FAM20A: variants seen among roughly 807,000 people sequenced by gnomAD.
FAM20A encodes the protein FAM20A golgi associated secretory pathway pseudokinase.
Under a neutral mutation model 52.0 loss-of-function variants are expected in FAM20A, and 42 were observed. The observed-to-expected ratio is 0.81, with a 90% CI of 0.63 to 1.04. The LOEUF is 1.04. Ranked by LOEUF, FAM20A falls within the 50% of genes least tolerant of loss-of-function variation. The pLI is 0.00. For missense variants in FAM20A, 742 were observed against 712.7 expected (o/e 1.04, Z -0.47); for synonymous variants, 304 against 298.9 (o/e 1.02, Z -0.18).
chr17:68,591,536 G>C (rs886564196), intron 1 of FAM20A, among the ~76,000 whole-genome samples: 3 of 152,218 alleles, frequency 2.0e-5, no homozygotes, highest in African/African-American at 7.2e-5. Flanking sequence ...GAATCCTGAT[G>C]AATGTGGGGA....
In FAM20A at chr17:68,536,079, G is replaced by A. The variant is rs1340256058; in HGVS notation, c.*1398C>T. 3 of 454,000 alleles carry A rather than the reference G, an allele frequency of 6.6e-6. No homozygotes were observed. Among genetic ancestry groups the A allele is most frequent in the Non-Finnish European group, 1.3e-5 (3 of 226,790 alleles). 28.1% of individuals were successfully genotyped at this position (454,000 alleles called of 1,614,324 possible). A position where few individuals can be genotyped will look rare whatever the true frequency, so the allele number is the denominator to read the frequency against. Reference sequence around the variant, plus strand: ...CTCAGTGAATGGTAGTGATTTTAGAGAGACACAAAGTCCAGGGGCAGCATA... The same window carrying A: ...CTCAGTGAATGGTAGTGATTTTAGAAAGACACAAAGTCCAGGGGCAGCATA... On this transcript the variant is annotated 3_prime_UTR_variant, in exon 11 of 11. Transcript: ENST00000592554.
At chr17:68,554,049 CAT>C (rs1036516487) in intron 3 of FAM20A, among the ~76,000 whole-genome samples, 13 of 71,152 alleles carry the variant, frequency 1.8e-4, no homozygotes, top group Non-Finnish European at 4.1e-4. Context: ...CATATATACA[CAT>C]ATACACATAT....
chr17:68,553,195 C>T (rs576650748), intron 3 of FAM20A, among the ~76,000 whole-genome samples: 5 of 152,158 alleles, frequency 3.3e-5, no homozygotes, highest in African/African-American at 1.2e-4. Context: ...GGGGCTCTTC[C>T]CCCTTTGCAT....
At chr17:68,584,349 A>AAACAAAACAAAACAAAAC (rs139019367) in intron 1 of FAM20A, among the ~76,000 whole-genome samples, 1 of 27,926 alleles carries the variant, frequency 3.6e-5, no homozygotes, top group African/African-American at 7.7e-5. Context: ...AAACAAAACA[A>AAACAAAACAAAACAAAAC]AAAAAAAACC....
chr17:68,538,785 A>G (rs1191237533), intron 10 of FAM20A, among the ~76,000 whole-genome samples: 2 of 152,256 alleles, frequency 1.3e-5, no homozygotes, highest in African/African-American at 2.4e-5. Flanking sequence ...AAAGTTGGCA[A>G]TTGAAAGGTT....
intron 1 of FAM20A, among the ~76,000 whole-genome samples, chr17:68,583,996 C>G (rs955821210): frequency 1.3e-5 from 2 of 152,082 alleles, no homozygotes; most frequent in Admixed American, 6.5e-5. Context: ...AATAGAGCCA[C>G]CACTCAAACC....
chr17:68,580,272 G>A (rs1300598608), intron 1 of FAM20A, among the ~76,000 whole-genome samples: 1 of 152,214 alleles, frequency 6.6e-6, no homozygotes, highest in African/African-American at 2.4e-5. Flanking sequence ...GTGGTGGGTG[G>A]GGGGAGACAC....
In FAM20A at chr17:68,537,144, T is replaced by C. The variant is rs1269913402; in HGVS notation, c.*333A>G. Reference sequence around the variant, plus strand: ...GGTATCCACTTGATGTCCTTTTATTTGACTTGTTACCATTAGTACTCTCCT... The same window carrying C: ...GGTATCCACTTGATGTCCTTTTATTCGACTTGTTACCATTAGTACTCTCCT... On this transcript the variant is annotated 3_prime_UTR_variant, in exon 11 of 11. Coordinates refer to ENST00000592554, the MANE Select transcript of FAM20A (RefSeq NM_017565.4). The surrounding 1 kb of genome is among the most constrained non-coding windows in gnomAD (Gnocchi z 4.2). The C allele has an allele frequency of 3.9e-6, 2 of 507,114 alleles. No homozygotes were observed. The highest frequency in any genetic ancestry group is 7.6e-6 in the Non-Finnish European group (2 of 262,566). 31.4% of individuals were successfully genotyped at this position (507,114 alleles called of 1,614,324 possible). A position where few individuals can be genotyped will look rare whatever the true frequency, so the allele number is the denominator to read the frequency against.
intron 5 of FAM20A, among the ~76,000 whole-genome samples, 174 bp downstream of exon 5, chr17:68,543,455 T>G (rs1009697523): frequency 6.6e-6 from 1 of 152,112 alleles, no homozygotes; most frequent in Admixed American, 6.5e-5. Flanking sequence ...TTTTTCAATC[T>G]GGGGGGTTGC....
chr17:68,551,716 ATTATTATT>A lies in FAM20A; in HGVS notation c.719+149_719+156del, dbSNP rs199970717. On this transcript the variant is annotated intron_variant, in intron 4 of 10. Transcript: ENST00000592554. ...TATTATTATTATTATTATTATTATT[ATTATTATT>A]ATCACCCCAAACAGTTCTGTGCTTG... 0.023 allele frequency among the ~76,000 whole-genome samples: 3,354 copies of A among 145,138 alleles called. 145 individuals carry two copies. The highest frequency in any genetic ancestry group is 0.083 in the African/African-American group (3,195 of 38,422).
At chr17:68,552,665 CCTTTTTTTTT>C (rs2086892511) in intron 3 of FAM20A, among the ~76,000 whole-genome samples, 1 of 110,000 alleles carries the variant, frequency 9.1e-6, no homozygotes, top group African/African-American at 3.2e-5. Flanking sequence ...CCTTTATTTT[CCTTTTTTTTT>C]TTTTTTTTTT....
At chr17:68,583,810 G>A (rs1376602412) in intron 1 of FAM20A, among the ~76,000 whole-genome samples, 4 of 152,142 alleles carry the variant, frequency 2.6e-5, no homozygotes, top group Non-Finnish European at 5.9e-5. Context: ...GGCTGAGGCA[G>A]GAGAATGGCG....
intron 1 of FAM20A, among the ~76,000 whole-genome samples, chr17:68,561,549 A>G (rs940025306): frequency 1.3e-5 from 2 of 150,192 alleles, no homozygotes; most frequent in Non-Finnish European, 3.0e-5. Context: ...TTAACTTGAT[A>G]AAACACTTTA....
chr17:68,577,402 C>G (rs1376382872), intron 1 of FAM20A, among the ~76,000 whole-genome samples: 2 of 152,252 alleles, frequency 1.3e-5, no homozygotes, highest in Non-Finnish European at 2.9e-5. Context: ...TTCTGCAGAA[C>G]TGTTGCCTCC....
At chr17:68,597,123 A>G (rs1347973822) in intron 1 of FAM20A, among the ~76,000 whole-genome samples, 5 of 151,954 alleles carry the variant, frequency 3.3e-5, no homozygotes, top group Non-Finnish European at 7.4e-5. Flanking sequence ...AGGTGGGGAG[A>G]CACACCATAA....
chr17:68,539,436 T>G, intron 9 of FAM20A, 40 bp from the exon 10 acceptor site: 2 of 1,563,594 alleles, frequency 1.3e-6, no homozygotes, highest in Non-Finnish European at 1.8e-6. Context: ...GCCGGCAGCA[T>G]CCTTTGCATT....
At chr17:68,584,908 C>A (rs1207652126) in intron 1 of FAM20A, among the ~76,000 whole-genome samples, 1 of 152,154 alleles carries the variant, frequency 6.6e-6, no homozygotes, top group East Asian at 1.9e-4. Flanking sequence ...TTGGGGTGTA[C>A]ATTTTGCAGT....
In FAM20A at chr17:68,580,417, C is replaced by T. The variant is rs537631488; in HGVS notation, c.404+19846G>A. ...AACTCATTCCTTTCTCGTTAAAATA[C>T]AATTGCTTCCTCTTCTGGGAGCTGG... is the stretch of plus-strand genomic sequence containing the variant. On this transcript the variant is annotated intron_variant, in intron 1 of 10. Transcript: ENST00000592554. Among the ~76,000 whole-genome samples the T allele has an allele frequency of 4.1e-4, 62 of 152,324 alleles. No individual in the cohort carries two copies. In the South Asian group the frequency reaches 7.2e-3, roughly 18 times the overall value.
chr17:68,581,466 CTTTCTTT>C (rs1292817688), intron 1 of FAM20A, among the ~76,000 whole-genome samples: 4 of 5,264 alleles, frequency 7.6e-4, no homozygotes, highest in Non-Finnish European at 2.0e-3. Flanking sequence ...TCTTTCCTTT[CTTTCTTT>C]CTTTCTTTCT....
Sources: allele counts gnomAD v4.1 joint callset (sites outside exome capture counted in the v4.1 genomes callset), GRCh38; gene constraint gnomAD v4.1.1; non-coding constraint Gnocchi (gnomAD v3.1); transcripts MANE v1.5; gene names NCBI Gene and HGNC (gene_info 2026-07-23, HGNC 2026-07-21).